KLC1: variants seen among roughly 807,000 people sequenced by gnomAD.
KLC1 encodes the protein kinesin 2 60/70kDa.
A neutral mutation model predicts 84.2 loss-of-function variants in KLC1; 30 were observed. That is an observed-to-expected ratio of 0.36 (90% CI 0.27 to 0.48). The LOEUF is 0.48. Ranked by LOEUF, KLC1 falls within the 20% of genes least tolerant of loss-of-function variation. The probability of loss-of-function intolerance (pLI) is 0.99; values close to 1 mark genes in which losing one functional copy is unlikely to be tolerated. For missense variants in KLC1, 499 were observed against 805.4 expected (o/e 0.62, Z 4.60); for synonymous variants, 289 against 293.3 (o/e 0.99, Z 0.15).
intron 13 of KLC1, chr14:103,685,087 A>C (rs1426607648): frequency 1.3e-6 from 2 of 1,534,050 alleles, no homozygotes; most frequent in Non-Finnish European, 1.8e-6. Flanking sequence ...GCTTCTGTCG[A>C]GACGTCGGCT....
intron 3 of KLC1, among the ~76,000 whole-genome samples, chr14:103,660,604 C>T (rs796598616): frequency 6.6e-5 from 10 of 151,938 alleles, no homozygotes; most frequent in African/African-American, 2.4e-4. Context: ...GCCTGGCCAA[C>T]ATAGCAAAAC....
chr14:103,663,999 T>C (rs758439686), intron 5 of KLC1, among the ~76,000 whole-genome samples: 25 of 152,202 alleles, frequency 1.6e-4, no homozygotes, highest in Admixed American at 6.5e-5. Flanking sequence ...CCCCCTGTTA[T>C]AACAACACTA....
rs1393433735 is a variant in KLC1 at position 103,648,573 on chromosome 14, A to C, written c.-1-5991A>C. Among the ~76,000 whole-genome samples the C allele has an allele frequency of 2.0e-5, 3 of 152,096 alleles. No homozygotes were observed. The East Asian group carries it at 5.8e-4, about 29-fold the overall frequency. ...TGAAGTGGACAGGTCACTTGAGCCT[A>C]GGAGTTGAAGGCCAGCCTCGGCAAC... On this transcript the variant is annotated intron_variant, in intron 1 of 16. Transcript: ENST00000334553.
At chr14:103,674,781 GT>G (rs994872688) in intron 9 of KLC1, among the ~76,000 whole-genome samples, 5 of 152,090 alleles carry the variant, frequency 3.3e-5, no homozygotes, top group African/African-American at 1.2e-4. Flanking sequence ...ATTGTTTAAT[GT>G]TTTTGTTTAG....
At chr14:103,629,714 GT>G (rs929048296) in intron 1 of KLC1, among the ~76,000 whole-genome samples, 9 of 148,186 alleles carry the variant, frequency 6.1e-5, no homozygotes, top group Non-Finnish European at 1.2e-4. Flanking sequence ...TCGGGTTCTT[GT>G]CCCCGGCCCT....
At chr14:103,647,536 T>A (rs2078040367) in intron 1 of KLC1, among the ~76,000 whole-genome samples, 1 of 152,032 alleles carries the variant, frequency 6.6e-6, no homozygotes, top group East Asian at 1.9e-4. Flanking sequence ...ACCCAGAAAC[T>A]TTTTTGTTAT....
chr14:103,695,920 A>C (rs1320479089), intron 15 of KLC1: 1 of 985,232 alleles, frequency 1.0e-6, no homozygotes, highest in East Asian at 1.1e-4. Flanking sequence ...CACCCAATAG[A>C]AGTGCGGTGA....
intron 15 of KLC1, chr14:103,698,357 G>C: frequency 4.2e-6 from 1 of 240,432 alleles, no homozygotes; most frequent in East Asian, 1.1e-4. Context: ...CCTGTGTGCA[G>C]GAGGGGAGAC....
chr14:103,680,346 G>A (rs1031802932), intron 13 of KLC1, among the ~76,000 whole-genome samples: 2 of 151,752 alleles, frequency 1.3e-5, no homozygotes, highest in Non-Finnish European at 1.5e-5. Flanking sequence ...AATTGAAGGC[G>A]GCATTTGACT....
chr14:103,700,313 C>G (rs2083056902), intron 15 of KLC1: 1 of 264,274 alleles, frequency 3.8e-6, no homozygotes, highest in African/African-American at 2.3e-5. Flanking sequence ...CAGGGGAGGA[C>G]CCCCCCAGTG....
chr14:103,697,707 TG>T (rs2151893257), intron 15 of KLC1: 1 of 151,100 alleles, frequency 6.6e-6, no homozygotes, highest in African/African-American at 2.4e-5. Flanking sequence ...GGTTGTACGG[TG>T]GGAATCAAGG....
At chr14:103,682,886 C>T (rs148291554) in intron 13 of KLC1, 22 of 151,180 alleles carry the variant, frequency 1.5e-4, no homozygotes, top group African/African-American at 4.9e-4. Flanking sequence ...AGCGATTCTC[C>T]TGCCTCAGCC....
At chr14:103,659,728 G>A (rs1268591391) in intron 3 of KLC1, among the ~76,000 whole-genome samples, 2 of 152,072 alleles carry the variant, frequency 1.3e-5, no homozygotes, top group Non-Finnish European at 2.9e-5. Flanking sequence ...TTTTTGCGTA[G>A]CACCAGCAAA....
Position 103,696,091 on chromosome 14 carries a change from C to T in KLC1, c.1848+3666C>T, listed in dbSNP as rs1436440546. The T allele has an allele frequency of 1.4e-4, 103 of 744,652 alleles. 3 individuals are homozygous for T. Among genetic ancestry groups the T allele is most frequent in the Middle Eastern group, 7.1e-4 (1 of 1,406 alleles). The allele number at this position is 744,652 out of a possible 1,614,324, so 46.1% of individuals were successfully genotyped here. ...AGAGTTGCTGTCAAAATAATCACTG[C>T]GCCCCCGCCCCCCGCCCCCCCCCAC... On this transcript the variant is annotated intron_variant, in intron 15 of 16. Coordinates refer to ENST00000334553, the MANE Select transcript of KLC1 (RefSeq NM_001394837.1).
Position 103,693,138 on chromosome 14 carries a change from C to T in KLC1, c.1848+713C>T, listed in dbSNP as rs538976121. Reference sequence around the variant, plus strand: ...CCCCTGTGCTGGTGCTGAGAGTTCGCGACAGTGGCCAGGCACTGCCCTCCC... The same window carrying T: ...CCCCTGTGCTGGTGCTGAGAGTTCGTGACAGTGGCCAGGCACTGCCCTCCC... On this transcript the variant is annotated intron_variant, in intron 15 of 16. Coordinates refer to ENST00000334553, the MANE Select transcript of KLC1 (RefSeq NM_001394837.1). This position sits in a 1 kb window ranked among gnomAD's most constrained non-coding sequence, Gnocchi z 5.1. 2.6e-5 allele frequency among the ~76,000 whole-genome samples: 4 copies of T among 152,178 alleles called. No homozygotes were observed. The highest frequency in any genetic ancestry group is 2.9e-5 in the Non-Finnish European group (2 of 68,026).
At chr14:103,658,199 C>G (rs2078966545) in intron 3 of KLC1, among the ~76,000 whole-genome samples, 1 of 152,232 alleles carries the variant, frequency 6.6e-6, no homozygotes, top group Admixed American at 6.5e-5. Flanking sequence ...TCTCATCCTC[C>G]CCTTGGCTTC....
rs2082299227 is a variant in KLC1, at chr14:103,694,340, C to T, written c.1848+1915C>T. 2 of 932,926 alleles carry T rather than the reference C, an allele frequency of 2.1e-6. No individual in the cohort carries two copies. Among genetic ancestry groups the T allele is most frequent in the Non-Finnish European group, 2.6e-6 (2 of 782,690 alleles). The allele number at this position is 932,926 out of a possible 1,614,324, so 57.8% of individuals were successfully genotyped here. On this transcript the variant is annotated intron_variant, in intron 15 of 16. Transcript: ENST00000334553. This position sits in a 1 kb window ranked among gnomAD's most constrained non-coding sequence, Gnocchi z 4.5. ...AATCTCGGCCCACTGCAAGCTCCACCTCCTGGGTTCACGCCATTCTCCTGC... is the reference window on the plus strand; with the variant it reads ...AATCTCGGCCCACTGCAAGCTCCACTTCCTGGGTTCACGCCATTCTCCTGC...
At chr14:103,666,245 A>G (rs1018957552) in intron 5 of KLC1, among the ~76,000 whole-genome samples, 4 of 151,940 alleles carry the variant, frequency 2.6e-5, no homozygotes, top group African/African-American at 7.3e-5. Flanking sequence ...TTGTATTTTT[A>G]GTAGAGACGG....
intron 1 of KLC1, among the ~76,000 whole-genome samples, chr14:103,654,208 C>T (rs1471587893): frequency 2.6e-5 from 4 of 152,182 alleles, no homozygotes; most frequent in Admixed American, 6.6e-5. Flanking sequence ...AGTGTTCTTC[C>T]TGCATTTCAT....
Sources: gnomAD v4.1 joint callset for allele counts (sites outside exome capture counted in the v4.1 genomes callset) on GRCh38, gnomAD v4.1.1 for gene constraint, Gnocchi (gnomAD v3.1) non-coding constraint, MANE v1.5 for transcripts, NCBI Gene and HGNC (gene_info 2026-07-23, HGNC 2026-07-21) for gene names.